CDHR1: variants seen among roughly 807,000 people sequenced by gnomAD.
CDHR1 encodes cadherin related family member 1.
In CDHR1, 61 loss-of-function variants were observed where a neutral mutation model predicts 72.1. The observed-to-expected ratio is 0.85, with a 90% CI of 0.69 to 1.05. The LOEUF is 1.05. CDHR1 is among the 50% of genes least tolerant of loss of function. The probability of loss-of-function intolerance (pLI) is 0.00; values close to 1 mark genes in which losing one functional copy is unlikely to be tolerated. For synonymous variants in CDHR1, 470 were observed against 448.1 expected (o/e 1.05, Z -0.62); for missense variants, 1,186 against 1,115.7 (o/e 1.06, Z -0.90).
rs1201741795 is a variant in CDHR1, at chr10:84,218,151, G to A, written c.*3530G>A. 1.0e-6 allele frequency: 1 copy of A among 985,498 alleles called. No homozygotes were observed. Among genetic ancestry groups the A allele is most frequent in the Non-Finnish European group, 1.2e-6 (1 of 829,960 alleles). 61.0% of individuals were successfully genotyped at this position (985,498 alleles called of 1,614,324 possible). A position where few individuals can be genotyped will look rare whatever the true frequency, so the allele number is the denominator to read the frequency against. On this transcript the variant is annotated 3_prime_UTR_variant, in exon 17 of 17. Coordinates refer to ENST00000623527, the MANE Select transcript of CDHR1 (RefSeq NM_033100.4). ...AGGGATGGAGAGGGAGAATGGAGAA[G>A]ATGCCACATGAGGAATGAGGCAGGA...
Position 84,196,077 on chromosome 10 carries a change from G to A in CDHR1, c.152-428G>A, listed in dbSNP as rs546989352. ...AGAAATCCCTGCAGAACCAGGTCCAGGCATCGGGGACAGTGGTGCACTGTG... is the reference window on the plus strand; with the variant it reads ...AGAAATCCCTGCAGAACCAGGTCCAAGCATCGGGGACAGTGGTGCACTGTG... On this transcript the variant is annotated intron_variant, in intron 2 of 16. Coordinates refer to ENST00000623527, the MANE Select transcript of CDHR1 (RefSeq NM_033100.4). Among the ~76,000 whole-genome samples the A allele has an allele frequency of 3.3e-5, 5 of 152,326 alleles. No homozygotes were observed. In the East Asian group the frequency reaches 7.7e-4, roughly 23 times the overall value.
Position 84,196,762 on chromosome 10 carries a change from A to T in CDHR1, c.297+112A>T, listed in dbSNP as rs1299611188. The T allele has an allele frequency of 2.4e-6, 3 of 1,251,702 alleles. No individual in the cohort carries two copies. The African/African-American group carries it at 4.4e-5, about 19-fold the overall frequency. 77.5% of individuals were successfully genotyped at this position (1,251,702 alleles called of 1,614,324 possible). A position where few individuals can be genotyped will look rare whatever the true frequency, so the allele number is the denominator to read the frequency against. ...GAACCTCTCCACAGAGTAGGGGATG[A>T]GGGGGCACACCCCAGGCACATCCAC... On this transcript the variant is annotated intron_variant, in intron 3 of 16. Transcript: ENST00000623527.
At position 84,214,211 on chromosome 10, in the gene CDHR1, T is replaced by C; in HGVS notation, c.2170T>C (p.Phe724Leu). The part of the protein sequence containing the change: ...AITVLISTAT[F>L]WRNKKSNKVL... Reference sequence around the variant, plus strand: ...CACTGTCCTCATCTCCACCGCCACCTTCTGGCGCAACAAGAAGTCTAACAA... The same window carrying C: ...CACTGTCCTCATCTCCACCGCCACCCTCTGGCGCAACAAGAAGTCTAACAA... Residue 724 changes from phenylalanine to leucine, a missense_variant, in exon 17 of 17, where the codon TTC becomes CTC. Transcript: ENST00000623527. 6.2e-7 allele frequency: 1 copy of C among 1,614,156 alleles called. No homozygotes were observed. Among genetic ancestry groups the C allele is most frequent in the Non-Finnish European group, 8.5e-7 (1 of 1,180,028 alleles).
rs1463783341 is a variant in CDHR1 at position 84,199,053 on chromosome 10, C to A, written c.370C>A (p.Leu124Met). 5 of 1,551,600 alleles carry A rather than the reference C, an allele frequency of 3.2e-6. No homozygotes were observed. Among genetic ancestry groups the A allele is most frequent in the Non-Finnish European group, 4.4e-6 (5 of 1,147,028 alleles). Residue 124 changes from leucine (L) to methionine (M), a missense_variant, in exon 5 of 17, where the codon CTG becomes ATG. By Grantham distance (15) the Leu-to-Met change is conservative. Coordinates refer to ENST00000623527, the MANE Select transcript of CDHR1 (RefSeq NM_033100.4). ...TCAGGTGGCCGAAAAAGTCGTGATCCTGGTGACCGATGCCAATGATGAGGC... is the reference window on the plus strand; with the variant it reads ...TCAGGTGGCCGAAAAAGTCGTGATCATGGTGACCGATGCCAATGATGAGGC... ...LNLVAEKVVI[L>M]VTDANDEAPR...
Position 84,216,497 on chromosome 10 carries a change from A to G in CDHR1, c.*1876A>G, listed in dbSNP as rs2132842126. 3.0e-6 allele frequency: 3 copies of G among 985,498 alleles called. No homozygotes were observed. In the African/African-American group the frequency reaches 5.2e-5, roughly 17 times the overall value. The allele number at this position is 985,498 out of a possible 1,614,324, so 61.0% of individuals were successfully genotyped here. The stretch of plus-strand genomic sequence containing the variant: ...TGCATGCAATCAACCTCTTTTGTAA[A>G]TGGAAAATAAAGTCTGTTACCCAAA... On this transcript the variant is annotated 3_prime_UTR_variant, in exon 17 of 17. Coordinates refer to ENST00000623527, the MANE Select transcript of CDHR1 (RefSeq NM_033100.4).
At position 84,217,182 on chromosome 10, in the gene CDHR1, G is replaced by A. The variant is rs931952832; in HGVS notation, c.*2561G>A. ...GAGGCCAGCCAAGTCCCTGTGTTAC[G>A]AATGGTGGGCCAAGGGGCTGTCTGC... On this transcript the variant is annotated 3_prime_UTR_variant, in exon 17 of 17. Transcript: ENST00000623527. The A allele has an allele frequency of 4.1e-6, 4 of 985,446 alleles. No individual in the cohort carries two copies. The African/African-American group carries it at 5.2e-5, about 13-fold the overall frequency. 61.0% of individuals were successfully genotyped at this position (985,446 alleles called of 1,614,324 possible). A position where few individuals can be genotyped will look rare whatever the true frequency, so the allele number is the denominator to read the frequency against.
rs910425397 is a variant in CDHR1, at chr10:84,214,844, G to A, written c.*223G>A. Reference sequence around the variant, plus strand: ...CCTTGGGCAAGACATTGGGCTCTAGGATGCAATTGGCAAATACGTCCCCGT... The same window carrying A: ...CCTTGGGCAAGACATTGGGCTCTAGAATGCAATTGGCAAATACGTCCCCGT... On this transcript the variant is annotated 3_prime_UTR_variant, in exon 17 of 17. Transcript: ENST00000623527. 9.6e-6 allele frequency: 14 copies of A among 1,463,764 alleles called. No individual in the cohort carries two copies. The highest frequency in any genetic ancestry group is 1.3e-5 in the Non-Finnish European group (14 of 1,118,448). 90.7% of individuals were successfully genotyped at this position (1,463,764 alleles called of 1,614,324 possible).
At position 84,217,625 on chromosome 10, in the gene CDHR1, T is replaced by C. The variant is rs1351670037; in HGVS notation, c.*3004T>C. On this transcript the variant is annotated 3_prime_UTR_variant, in exon 17 of 17. Transcript: ENST00000623527. ...CGGCTTTGTATCTACTTACACAAGC[T>C]CAGTAGACACTTGCCGTGACTGTGG... The C allele has an allele frequency of 1.0e-6, 1 of 985,308 alleles. No homozygotes were observed. The highest frequency in any genetic ancestry group is 1.2e-6 in the Non-Finnish European group (1 of 829,958). The allele number at this position is 985,308 out of a possible 1,614,324, so 61.0% of individuals were successfully genotyped here. A position where few individuals can be genotyped will look rare whatever the true frequency, so the allele number is the denominator to read the frequency against.
chr10:84,210,759 A>G (rs1842314037), intron 12 of CDHR1, among the ~76,000 whole-genome samples: 1 of 152,218 alleles, frequency 6.6e-6, no homozygotes, highest in African/African-American at 2.4e-5. Flanking sequence ...GTGGAACAAA[A>G]TAAACTGACC....
chr10:84,195,859 A>G (rs1251167484), intron 2 of CDHR1, among the ~76,000 whole-genome samples: 1 of 152,192 alleles, frequency 6.6e-6, no homozygotes, highest in Non-Finnish European at 1.5e-5. Flanking sequence ...TGGCTGTGTG[A>G]CCTTGAACAA....
At position 84,218,086 on chromosome 10, in the gene CDHR1, C is replaced by G. The variant is rs1268063205; in HGVS notation, c.*3465C>G. The G allele has an allele frequency of 6.1e-6, 6 of 985,458 alleles. No homozygotes were observed. The highest frequency in any genetic ancestry group is 7.2e-6 in the Non-Finnish European group (6 of 829,944). The allele number at this position is 985,458 out of a possible 1,614,324, so 61.0% of individuals were successfully genotyped here. A position where few individuals can be genotyped will look rare whatever the true frequency, so the allele number is the denominator to read the frequency against. On this transcript the variant is annotated 3_prime_UTR_variant, in exon 17 of 17. Coordinates refer to ENST00000623527, the MANE Select transcript of CDHR1 (RefSeq NM_033100.4). ...AGGGGTGTTGGCATCTGTTGACAGG[C>G]AGTGGCACATCCTGACAGTCTTCAA... is the stretch of plus-strand genomic sequence containing the variant.
Position 84,195,552 on chromosome 10 carries a change from C to A in CDHR1, c.114C>A (p.Asn38Lys), listed in dbSNP as rs1239150019. The change falls in exon 2 of 17, where the codon AAC becomes AAA. Residue 38 changes from asparagine to lysine, a missense_variant. Physicochemically the swap from Asn to Lys is moderately conservative, Grantham distance 94 (BLOSUM62 0). Transcript: ENST00000623527. ...ACGGGGTCGGCAGCACCAACGGAAACATGGCTCTGTTCAGCCTCCCAGAGG... is the reference window on the plus strand; with the variant it reads ...ACGGGGTCGGCAGCACCAACGGAAAAATGGCTCTGTTCAGCCTCCCAGAGG... ...FDNGVGSTNG[N>K]MALFSLPEDT... 1 of 1,614,074 alleles carries A rather than the reference C, an allele frequency of 6.2e-7. No homozygotes were observed. Among genetic ancestry groups the A allele is most frequent in the Admixed American group, 1.7e-5 (1 of 60,016 alleles).
intron 8 of CDHR1, 28 bp downstream of exon 8, chr10:84,203,151 A>G (rs752034331): frequency 3.6e-5 from 58 of 1,613,750 alleles, no homozygotes; most frequent in Non-Finnish European, 4.7e-5. Context: ...TCAGCCAGCG[A>G]TCCCTCCAAA....
intron 5 of CDHR1, among the ~76,000 whole-genome samples, 181 bp from the exon 6 acceptor site, chr10:84,200,420 C>G (rs1451747363): frequency 6.6e-6 from 1 of 152,152 alleles, no homozygotes; most frequent in Non-Finnish European, 1.5e-5. Context: ...TTCCCTTTCC[C>G]TCTTTCCTGC....
At chr10:84,204,478 A>G (rs1842187381) in intron 8 of CDHR1, 49 bp from the exon 9 acceptor site, 2 of 1,273,240 alleles carry the variant, frequency 1.6e-6, no homozygotes, top group East Asian at 4.6e-5. Flanking sequence ...TGGGGAGGGG[A>G]GGGTCCCCAT....
intron 12 of CDHR1, 96 bp downstream of exon 12, chr10:84,208,977 C>T: frequency 1.5e-6 from 2 of 1,292,282 alleles, no homozygotes; most frequent in Admixed American, 2.0e-5. Flanking sequence ...TTGTCACTCT[C>T]TGCCCTTCCT....
At chr10:84,208,126 T>G (rs1404763442) in intron 10 of CDHR1, 48 bp from the exon 11 acceptor site, 5 of 1,507,064 alleles carry the variant, frequency 3.3e-6, no homozygotes, top group Non-Finnish European at 4.6e-6. Flanking sequence ...CTGGACCATA[T>G]GAAGGGTCCA....
intron 12 of CDHR1, among the ~76,000 whole-genome samples, chr10:84,210,066 A>G (rs1842300734): frequency 6.6e-6 from 1 of 152,174 alleles, no homozygotes; most frequent in Non-Finnish European, 1.5e-5. Flanking sequence ...CAAAAACTAC[A>G]AAAATTAGCC....
chr10:84,215,360 G>A lies in CDHR1; in HGVS notation c.*739G>A. On this transcript the variant is annotated 3_prime_UTR_variant, in exon 17 of 17. Transcript: ENST00000623527. The stretch of plus-strand genomic sequence containing the variant: ...CTGCCCTGAGCCGCAAAATGTCAAA[G>A]CTGGAGCTATAGAGGTAGCCCTAAA... 1.0e-6 allele frequency: 1 copy of A among 985,832 alleles called. No individual in the cohort carries two copies. The highest frequency in any genetic ancestry group is 1.2e-6 in the Non-Finnish European group (1 of 830,260). 61.1% of individuals were successfully genotyped at this position (985,832 alleles called of 1,614,324 possible).
Sources: allele counts gnomAD v4.1 joint callset (sites outside exome capture counted in the v4.1 genomes callset), GRCh38; gene constraint gnomAD v4.1.1; transcripts MANE v1.5; gene names NCBI Gene and HGNC (gene_info 2026-07-23, HGNC 2026-07-21).